GRID2: variants seen among roughly 807,000 people sequenced by gnomAD.
GRID2 encodes glutamate ionotropic receptor delta type subunit 2.
Under a neutral mutation model 114.8 loss-of-function variants are expected in GRID2, and 33 were observed. The ratio of observed to expected loss-of-function variants is 0.29; its 90% CI spans 0.22 to 0.38. The LOEUF (loss-of-function observed/expected upper bound fraction) is 0.38, where lower values mean the gene tolerates loss of function less well. Ranked by LOEUF, GRID2 falls within the 10% of genes least tolerant of loss-of-function variation. The pLI is 1.00. For synonymous variants in GRID2, 505 were observed against 449.9 expected (o/e 1.12, Z -1.55); for missense variants, 1,184 against 1,257.7 (o/e 0.94, Z 0.89).
intron 13 of GRID2, among the ~76,000 whole-genome samples, chr4:93,590,211 C>T (rs959985417): frequency 2.0e-5 from 3 of 150,252 alleles, no homozygotes; most frequent in Non-Finnish European, 4.5e-5. Flanking sequence ...GTCTTTAATC[C>T]ATCTTGAACT....
intron 2 of GRID2, among the ~76,000 whole-genome samples, chr4:93,029,598 T>C (rs997624725): frequency 2.6e-5 from 4 of 152,138 alleles, no homozygotes; most frequent in Non-Finnish European, 5.9e-5. Context: ...ACTAAAAATA[T>C]CATATTTTTA....
At chr4:92,896,958 T>C (rs1392286328) in intron 2 of GRID2, among the ~76,000 whole-genome samples, 1 of 152,086 alleles carries the variant, frequency 6.6e-6, no homozygotes, top group Non-Finnish European at 1.5e-5. Flanking sequence ...GCCAGGCTGA[T>C]CTCGAACTCC....
intron 2 of GRID2, among the ~76,000 whole-genome samples, chr4:92,934,322 T>G (rs975224219): frequency 4.6e-5 from 7 of 151,850 alleles, no homozygotes; most frequent in Non-Finnish European, 8.8e-5. Context: ...ACTCATGGTT[T>G]GGCTCTCTGT....
At chr4:92,790,174 ATATG>A (rs1188540957) in intron 2 of GRID2, among the ~76,000 whole-genome samples, 3 of 151,812 alleles carry the variant, frequency 2.0e-5, no homozygotes, top group South Asian at 2.1e-4. Flanking sequence ...ACACATCTAA[ATATG>A]TATGTGTACA....
chr4:93,224,493 A>G lies in GRID2; in HGVS notation c.964-121A>G, dbSNP rs75932085. 992 of 587,938 alleles carry G rather than the reference A, an allele frequency of 1.7e-3. 18 individuals are homozygous for G. In the East Asian group the frequency reaches 0.025, roughly 15 times the overall value. The allele number at this position is 587,938 out of a possible 1,614,324, so 36.4% of individuals were successfully genotyped here. ...AATGACAAAAGAAACCTTCTGCTTA[A>G]TAACCCAGTAAACCAGCCATGTATG... On this transcript the variant is annotated intron_variant, in intron 6 of 15. Transcript: ENST00000282020.
chr4:92,708,336 T>TA (rs1311828540), intron 2 of GRID2, among the ~76,000 whole-genome samples: 1 of 152,246 alleles, frequency 6.6e-6, no homozygotes, highest in South Asian at 2.1e-4. Context: ...TTTCTAAAAA[T>TA]AAAAAATCAT....
chr4:92,568,828 G>C (rs974627307), intron 1 of GRID2, among the ~76,000 whole-genome samples: 1 of 151,878 alleles, frequency 6.6e-6, no homozygotes, highest in Non-Finnish European at 1.5e-5. Context: ...GCTATATTTG[G>C]TTTTCTGTTC....
chr4:93,527,050 C>T (rs1730980677), intron 13 of GRID2, among the ~76,000 whole-genome samples: 1 of 152,130 alleles, frequency 6.6e-6, no homozygotes, highest in Non-Finnish European at 1.5e-5. Flanking sequence ...CTCCCAGTCC[C>T]TGGCTGTTCT....
intron 2 of GRID2, among the ~76,000 whole-genome samples, chr4:92,611,853 CTTAT>C (rs1435991404): frequency 1.3e-5 from 2 of 151,130 alleles, no homozygotes; most frequent in African/African-American, 4.9e-5. Context: ...TTTTGACAAT[CTTAT>C]TTATTTTGAA....
chr4:92,399,043 A>G (rs1730648543), intron 1 of GRID2, among the ~76,000 whole-genome samples: 1 of 152,198 alleles, frequency 6.6e-6, no homozygotes, highest in Admixed American at 6.6e-5. Flanking sequence ...TGGTTTAGTT[A>G]GAGACCAAAT....
intron 14 of GRID2, among the ~76,000 whole-genome samples, chr4:93,750,032 G>A (rs1239938875): frequency 6.6e-6 from 1 of 152,190 alleles, no homozygotes; most frequent in Non-Finnish European, 1.5e-5. Flanking sequence ...CCATTGGTGA[G>A]CACACATTAT....
intron 1 of GRID2, among the ~76,000 whole-genome samples, chr4:92,494,219 T>C (rs2870626): frequency 0.41 from 62,496 of 151,746 alleles, 14,033 homozygotes; most frequent in African/African-American, 0.6. Context: ...GGAACTTGGT[T>C]TTTTTGTTTA....
intron 2 of GRID2, among the ~76,000 whole-genome samples, chr4:92,768,238 G>T (rs527652946): frequency 1.3e-5 from 2 of 152,024 alleles, no homozygotes; most frequent in African/African-American, 2.4e-5. Flanking sequence ...GTGTGTTCCT[G>T]TTACATATGA....
intron 2 of GRID2, among the ~76,000 whole-genome samples, chr4:92,712,577 T>C (rs1735309000): frequency 6.6e-6 from 1 of 152,162 alleles, no homozygotes; most frequent in Admixed American, 6.5e-5. Context: ...TATTAAATCT[T>C]GAAATATACT....
chr4:92,813,660 A>ACG (rs1560607314), intron 2 of GRID2, among the ~76,000 whole-genome samples: 2 of 151,774 alleles, frequency 1.3e-5, no homozygotes, highest in African/African-American at 4.8e-5. Context: ...ACACGCACGC[A>ACG]CACACACACA....
At chr4:92,933,853 G>T (rs1750427741) in intron 2 of GRID2, among the ~76,000 whole-genome samples, 1 of 151,502 alleles carries the variant, frequency 6.6e-6, no homozygotes, top group South Asian at 2.1e-4. Flanking sequence ...TCTCGGAAAT[G>T]GAATGTTGTA....
At chr4:92,740,738 A>AGATAGATAGATG (rs1553922626) in intron 2 of GRID2, among the ~76,000 whole-genome samples, 46 of 141,156 alleles carry the variant, frequency 3.3e-4, no homozygotes, top group African/African-American at 1.3e-3. Flanking sequence ...ATAGATAGAT[A>AGATAGATAGATG]GATGGATAGA....
chr4:93,801,630 T>C (rs1734934403), intron 1 of GRID2, among the ~76,000 whole-genome samples: 1 of 152,212 alleles, frequency 6.6e-6, no homozygotes, highest in Admixed American at 6.5e-5. Flanking sequence ...AGTTTTACAA[T>C]ACTTACAACA....
intron 2 of GRID2, among the ~76,000 whole-genome samples, chr4:92,767,843 C>G (rs1738340313): frequency 1.3e-5 from 2 of 151,400 alleles, no homozygotes; most frequent in Admixed American, 1.3e-4. Context: ...GATTTCAAGG[C>G]TGTAGTTGGC....
Sources: allele counts gnomAD v4.1 joint callset (sites outside exome capture counted in the v4.1 genomes callset), GRCh38; gene constraint gnomAD v4.1.1; transcripts MANE v1.5; gene names NCBI Gene and HGNC (gene_info 2026-07-23, HGNC 2026-07-21).